RFPL1: variants seen among roughly 807,000 people sequenced by gnomAD.
RFPL1 encodes the protein ret finger protein-like 1.
In RFPL1, 6 loss-of-function variants were observed where a neutral mutation model predicts 9.6. The ratio of observed to expected loss-of-function variants is 0.62; its 90% CI spans 0.34 to 1.23. The LOEUF (loss-of-function observed/expected upper bound fraction) is 1.23. RFPL1 is among the 50% of genes most tolerant of loss of function. The probability of loss-of-function intolerance (pLI) is 0.03; values close to 1 mark genes in which losing one functional copy is unlikely to be tolerated. For missense variants in RFPL1, 352 were observed against 398.4 expected (o/e 0.88, Z 0.99); for synonymous variants, 145 against 149.4 (o/e 0.97, Z 0.22).
the RFPL1 span, among the ~76,000 whole-genome samples, chr22:29,410,173 G>A: frequency 2.7e-5 from 4 of 146,170 alleles, no homozygotes; most frequent in Admixed American, 2.8e-4. Flanking sequence ...TTCTCCTATT[G>A]TAGGCAAAGG....
exon 1 of RFPL1, chr22:29,439,130 T>C (rs1451513118): frequency 1.9e-6 from 3 of 1,613,994 alleles, no homozygotes; most frequent in Non-Finnish European, 8.5e-7. Flanking sequence ...TGAAGAAGAT[T>C]CTGCAGATGA....
At chr22:29,406,695 A>G in the RFPL1 span, among the ~76,000 whole-genome samples, 1 of 152,218 alleles carries the variant, frequency 6.6e-6, no homozygotes. Context: ...TCATCTGTGA[A>G]TAAGTTTTTA....
the RFPL1 span, among the ~76,000 whole-genome samples, chr22:29,420,855 G>T: frequency 2.0e-5 from 3 of 151,890 alleles, no homozygotes; most frequent in South Asian, 2.1e-4. Context: ...TGGCCTGGGT[G>T]GTCTTAAACT....
chr22:29,431,732 C>G, the RFPL1 span, among the ~76,000 whole-genome samples: 1 of 151,066 alleles, frequency 6.6e-6, no homozygotes, highest in African/African-American at 2.4e-5. Flanking sequence ...GTTGCCCAGG[C>G]TGGAGTGCAG....
At chr22:29,389,081 G>A in the RFPL1 span, among the ~76,000 whole-genome samples, 1 of 152,088 alleles carries the variant, frequency 6.6e-6, no homozygotes, top group Admixed American at 6.5e-5. Flanking sequence ...TGTAGAGAGA[G>A]TCTCACTTTA....
the RFPL1 span, among the ~76,000 whole-genome samples, chr22:29,432,752 C>T: frequency 2.6e-5 from 4 of 152,084 alleles, no homozygotes; most frequent in East Asian, 1.9e-4. Context: ...CTAGCATTTC[C>T]GATATTAGAA....
upstream of RFPL1, among the ~76,000 whole-genome samples, chr22:29,436,007 A>G (rs2062806720): frequency 6.6e-6 from 1 of 152,184 alleles, no homozygotes; most frequent in African/African-American, 2.4e-5. Flanking sequence ...CTGAGCTCAC[A>G]GAAGCAGAGC....
the RFPL1 span, among the ~76,000 whole-genome samples, chr22:29,410,317 T>TATATATGTAGATATATATCTATATATAG: frequency 0.012 from 753 of 60,438 alleles, 13 homozygotes; most frequent in Non-Finnish European, 0.015. Context: ...TATATATAGA[T>TATATATGTAGATATATATCTATATATAG]ATATATATGT....
the RFPL1 span, among the ~76,000 whole-genome samples, chr22:29,417,505 A>T: frequency 3.6e-4 from 53 of 148,372 alleles, 1 homozygote; most frequent in African/African-American, 1.2e-3. Flanking sequence ...CCAGGTTATG[A>T]GGCACAGGGC....
At chr22:29,410,602 T>TATAGATATATCTATCTATATATAG in the RFPL1 span, among the ~76,000 whole-genome samples, 1 of 106,714 alleles carries the variant, frequency 9.4e-6, no homozygotes, top group Non-Finnish European at 1.8e-5. Flanking sequence ...TATAGATATA[T>TATAGATATATCTATCTATATATAG]ATAGATATAT....
chr22:29,412,700 C>G, the RFPL1 span, among the ~76,000 whole-genome samples: 3 of 152,076 alleles, frequency 2.0e-5, no homozygotes, highest in Non-Finnish European at 4.4e-5. Flanking sequence ...TGAACACACT[C>G]CAGAGATGAG....
chr22:29,412,892 T>C, the RFPL1 span, among the ~76,000 whole-genome samples: 1,032 of 152,042 alleles, frequency 6.8e-3, 9 homozygotes, highest in African/African-American at 0.022. Context: ...CTCCTGCCGC[T>C]GTGATCTTGT....
At chr22:29,408,466 G>A in the RFPL1 span, among the ~76,000 whole-genome samples, 1 of 152,184 alleles carries the variant, frequency 6.6e-6, no homozygotes, top group Non-Finnish European at 1.5e-5. Context: ...TTCCTCAGCA[G>A]CACCAATGCA....
exon 1 of RFPL1, chr22:29,439,009 G>A: frequency 6.2e-7 from 1 of 1,614,036 alleles, no homozygotes; most frequent in Non-Finnish European, 8.5e-7. Context: ...GAGCCCCATG[G>A]GGAGGATCTA....
chr22:29,422,616 A>G, the RFPL1 span, among the ~76,000 whole-genome samples: 1 of 152,136 alleles, frequency 6.6e-6, no homozygotes, highest in Non-Finnish European at 1.5e-5. Context: ...AGTGGCGGGC[A>G]CATGTAATCC....
the RFPL1 span, chr22:29,419,345 G>A: frequency 1.4e-6 from 1 of 736,818 alleles, no homozygotes. Flanking sequence ...AAGAACCGGA[G>A]GGAGGCACGT....
exon 2 of RFPL1, chr22:29,442,096 C>A: frequency 1.9e-6 from 3 of 1,583,020 alleles, no homozygotes; most frequent in Non-Finnish European, 2.6e-6. Flanking sequence ...TACTGATGCT[C>A]CAGTCCATCC....
the RFPL1 span, among the ~76,000 whole-genome samples, chr22:29,411,374 G>A: frequency 2.6e-5 from 4 of 152,138 alleles, no homozygotes; most frequent in Non-Finnish European, 4.4e-5. Context: ...CATTAGAAGC[G>A]TTCAAATTTA....
chr22:29,421,071 G>A, the RFPL1 span, among the ~76,000 whole-genome samples: 2 of 152,100 alleles, frequency 1.3e-5, no homozygotes, highest in South Asian at 2.1e-4. Context: ...GCTCAGTAAC[G>A]TAAACCCAAT....
Sources: allele counts gnomAD v4.1 joint callset (sites outside exome capture counted in the v4.1 genomes callset), GRCh38; gene constraint gnomAD v4.1.1; transcripts MANE v1.5; gene names NCBI Gene and HGNC (gene_info 2026-07-23, HGNC 2026-07-21).